Variants in BRINP1 observed in about 807,000 individuals in gnomAD.
BRINP1 encodes BMP/retinoic acid-inducible neural-specific protein 1.
In BRINP1, 17 loss-of-function variants were observed where a neutral mutation model predicts 72.9. That is an observed-to-expected ratio of 0.23 (90% confidence interval 0.16 to 0.35). BRINP1 has a LOEUF of 0.35. BRINP1 is among the 10% of genes least tolerant of loss of function. The pLI is 1.00. For synonymous variants in BRINP1, 418 were observed against 378.5 expected (o/e 1.10, Z -1.21); for missense variants, 850 against 1,001.6 (o/e 0.85, Z 2.04).
At chr9:119,230,447 G>A (rs1406793844) in intron 5 of BRINP1, among the ~76,000 whole-genome samples, 1 of 151,984 alleles carries the variant, frequency 6.6e-6, no homozygotes, top group East Asian at 1.9e-4. Flanking sequence ...GACCCTCATT[G>A]TACTGATCTG....
rs1215366520 is a variant in BRINP1, at chr9:119,367,833, CCT to C, written c.-51+1221_-51+1222del. On this transcript the variant is annotated intron_variant, in intron 1 of 7. Coordinates refer to ENST00000265922, the MANE Select transcript of BRINP1 (RefSeq NM_014618.3). ...CTGAAACACTCTCTCTCTCTGTCTCCCTCTCTCTCGCTCTTGCTCTCTCTCTC... is the reference window on the plus strand; with the variant it reads ...CTGAAACACTCTCTCTCTCTGTCTCCCTCTCTCGCTCTTGCTCTCTCTCTC... Among the ~76,000 whole-genome samples the C allele has an allele frequency of 7.9e-5, 12 of 152,220 alleles. No individual in the cohort carries two copies. The East Asian group carries it at 1.5e-3, about 20-fold the overall frequency.
At chr9:119,210,260 G>A (rs1157189708) in intron 6 of BRINP1, among the ~76,000 whole-genome samples, 6 of 152,138 alleles carry the variant, frequency 3.9e-5, no homozygotes, top group Admixed American at 1.3e-4. Flanking sequence ...AGGAAAAAAG[G>A]CCAATGGTTG....
At chr9:119,206,460 T>C (rs1319189775) in intron 7 of BRINP1, among the ~76,000 whole-genome samples, 1 of 147,158 alleles carries the variant, frequency 6.8e-6, no homozygotes, top group Non-Finnish European at 1.5e-5. Context: ...GAGAGGATAT[T>C]AGGACGCAGA....
At chr9:119,336,065 T>A (rs1831342582) in intron 1 of BRINP1, among the ~76,000 whole-genome samples, 2 of 152,232 alleles carry the variant, frequency 1.3e-5, no homozygotes, top group Admixed American at 6.5e-5. Flanking sequence ...ACATTTATTA[T>A]GTGTTATTGG....
chr9:119,182,862 A>G (rs1358350650), intron 7 of BRINP1, among the ~76,000 whole-genome samples: 1 of 152,242 alleles, frequency 6.6e-6, no homozygotes, highest in Admixed American at 6.5e-5. Context: ...AATGATATGG[A>G]CAGGCACTTC....
chr9:119,352,483 G>C (rs187524288), intron 1 of BRINP1, among the ~76,000 whole-genome samples: 114 of 152,028 alleles, frequency 7.5e-4, no homozygotes, highest in Non-Finnish European at 1.4e-3. Flanking sequence ...ACCCAGGCTG[G>C]AGTGCAGTGG....
chr9:119,334,304 G>C (rs1338637365), intron 1 of BRINP1, among the ~76,000 whole-genome samples: 4 of 152,192 alleles, frequency 2.6e-5, no homozygotes, highest in African/African-American at 9.7e-5. Context: ...CCTTCGAATT[G>C]AGGGGTACAT....
At chr9:119,268,490 G>A (rs890967601) in intron 2 of BRINP1, among the ~76,000 whole-genome samples, 2 of 152,014 alleles carry the variant, frequency 1.3e-5, no homozygotes, top group African/African-American at 2.4e-5. Flanking sequence ...AACACACAGC[G>A]CTAAGATCTC....
intron 2 of BRINP1, among the ~76,000 whole-genome samples, chr9:119,274,793 C>T (rs1363557561): frequency 6.6e-6 from 1 of 152,076 alleles, no homozygotes; most frequent in African/African-American, 2.4e-5. Flanking sequence ...CAAGGGATGG[C>T]TTCAAGTCAC....
intron 7 of BRINP1, among the ~76,000 whole-genome samples, chr9:119,203,364 G>T (rs1226297291): frequency 2.0e-5 from 3 of 152,132 alleles, no homozygotes; most frequent in Non-Finnish European, 4.4e-5. Flanking sequence ...CACAGAGATG[G>T]CATGAGTATT....
chr9:119,296,635 A>C (rs1830881259), intron 2 of BRINP1, among the ~76,000 whole-genome samples: 1 of 152,258 alleles, frequency 6.6e-6, no homozygotes, highest in Non-Finnish European at 1.5e-5. Flanking sequence ...CAACAGATGA[A>C]TGGACACACA....
rs1172546502 is a variant in BRINP1, at chr9:119,345,887, G to T, written c.-51+23169C>A. 2.6e-5 allele frequency among the ~76,000 whole-genome samples: 4 copies of T among 151,920 alleles called. No homozygotes were observed. In the East Asian group the frequency reaches 7.8e-4, roughly 30 times the overall value. On this transcript the variant is annotated intron_variant, in intron 1 of 7. Coordinates refer to ENST00000265922, the MANE Select transcript of BRINP1 (RefSeq NM_014618.3). ...GAGGTGGTTTTTTTTGTTTTGTTTT[G>T]TTTTTTTAATCACACCTACTTTACA...
At chr9:119,297,827 A>G (rs936500526) in intron 2 of BRINP1, among the ~76,000 whole-genome samples, 2 of 137,306 alleles carry the variant, frequency 1.5e-5, no homozygotes, top group Admixed American at 7.4e-5. Context: ...ATAATTAATA[A>G]TAATAATAAA....
At chr9:119,284,338 C>A (rs1830739924) in intron 2 of BRINP1, among the ~76,000 whole-genome samples, 1 of 152,194 alleles carries the variant, frequency 6.6e-6, no homozygotes, top group Admixed American at 6.5e-5. Flanking sequence ...CTGTGGGAGG[C>A]AATGTGGTAC....
At chr9:119,347,419 T>A (rs555665277) in intron 1 of BRINP1, among the ~76,000 whole-genome samples, 1 of 152,294 alleles carries the variant, frequency 6.6e-6, no homozygotes, top group African/African-American at 2.4e-5. Context: ...GATCTTACTT[T>A]CTTTGTGCTT....
chr9:119,276,776 G>C (rs2118957385), intron 2 of BRINP1, among the ~76,000 whole-genome samples: 1 of 152,224 alleles, frequency 6.6e-6, no homozygotes, highest in African/African-American at 2.4e-5. Context: ...TTCCAAAGCA[G>C]ATTTAAATTC....
intron 2 of BRINP1, among the ~76,000 whole-genome samples, chr9:119,295,459 A>G (rs1291536478): frequency 1.3e-5 from 2 of 152,246 alleles, no homozygotes; most frequent in Non-Finnish European, 2.9e-5. Flanking sequence ...ACAAATCTGT[A>G]CAAGATGTTA....
chr9:119,181,437 A>G (rs959180464), intron 7 of BRINP1, among the ~76,000 whole-genome samples: 2 of 152,212 alleles, frequency 1.3e-5, no homozygotes, highest in African/African-American at 2.4e-5. Context: ...TTGACCTTAA[A>G]TAAGTCACCT....
intron 2 of BRINP1, among the ~76,000 whole-genome samples, chr9:119,264,284 A>C (rs1436456486): frequency 1.3e-5 from 2 of 152,232 alleles, no homozygotes; most frequent in Non-Finnish European, 2.9e-5. Flanking sequence ...GTGGGATTAA[A>C]TAAAACAAGG....
Sources: allele counts gnomAD v4.1 joint callset (sites outside exome capture counted in the v4.1 genomes callset), GRCh38; gene constraint gnomAD v4.1.1; transcripts MANE v1.5; gene names NCBI Gene and HGNC (gene_info 2026-07-23, HGNC 2026-07-21).